NEDD1: variants seen among roughly 807,000 people sequenced by gnomAD.
NEDD1 encodes the protein protein NEDD1.
NEDD1 carries 33 observed loss-of-function variants against 74.0 expected under a neutral mutation model. The ratio of observed to expected loss-of-function variants is 0.45; its 90% confidence interval spans 0.34 to 0.60. NEDD1 has a LOEUF of 0.60. Among genes scored for constraint, NEDD1 ranks in the 20% least tolerant of loss-of-function variants. The pLI, the probability that NEDD1 is intolerant of heterozygous loss-of-function variation, is 0.01. For synonymous variants in NEDD1, 250 were observed against 264.4 expected (o/e 0.95, Z 0.53); for missense variants, 746 against 776.5 (o/e 0.96, Z 0.47).
chr12:96,932,457 A>ATATATATATATAT (rs1167914093), intron 6 of NEDD1, among the ~76,000 whole-genome samples: 1 of 12,768 alleles, frequency 7.8e-5, no homozygotes, highest in South Asian at 3.6e-3. Context: ...AAAAAAAAAA[A>ATATATATATATAT]AAAAAAATAT....
At chr12:96,913,783 A>C (rs1874164368) in intron 4 of NEDD1, among the ~76,000 whole-genome samples, 1 of 152,202 alleles carries the variant, frequency 6.6e-6, no homozygotes. Context: ...ATAAGATTTA[A>C]ATAAAAAGAT....
At chr12:96,934,907 A>G in intron 6 of NEDD1, 69 bp from the exon 7 acceptor site, 3 of 996,626 alleles carry the variant, frequency 3.0e-6, no homozygotes, top group South Asian at 1.4e-5. Context: ...GCCATAATTT[A>G]TATGGCTTAT....
chr12:96,907,843 C>T lies in NEDD1; in HGVS notation c.-22C>T. 7.3e-7 allele frequency: 1 copy of T among 1,365,620 alleles called. No homozygotes were observed. Among genetic ancestry groups the T allele is most frequent in the East Asian group, 2.7e-5 (1 of 36,850 alleles). 84.6% of individuals were successfully genotyped at this position (1,365,620 alleles called of 1,614,324 possible). On this transcript the variant is annotated 5_prime_UTR_variant, in exon 2 of 16. Coordinates refer to ENST00000266742, the MANE Select transcript of NEDD1 (RefSeq NM_152905.4). ...AAAGTCTCTCCCTTAATGCTCAGTT[C>T]TTAGAAGACCGAGGTAGGTGGGCAG...
intron 6 of NEDD1, among the ~76,000 whole-genome samples, chr12:96,923,610 A>G (rs190651137): frequency 6.6e-6 from 1 of 152,230 alleles, no homozygotes; most frequent in African/African-American, 2.4e-5. Flanking sequence ...GTATATTTTT[A>G]TATGCCTCTT....
chr12:96,949,837 A>G (rs1475199488), intron 14 of NEDD1, among the ~76,000 whole-genome samples: 1 of 152,098 alleles, frequency 6.6e-6, no homozygotes, highest in Non-Finnish European at 1.5e-5. Context: ...TTTTCCTGTA[A>G]AAAATAAGTA....
Position 96,945,782 on chromosome 12 carries a change from G to A in NEDD1, c.1744G>A (p.Ala582Thr). 1 of 1,611,328 alleles carries A rather than the reference G, an allele frequency of 6.2e-7. No individual in the cohort carries two copies. The highest frequency in any genetic ancestry group is 8.5e-7 in the Non-Finnish European group (1 of 1,177,552). ...ADSIGNNRQN[A>T]PLTSIQIRFI... ...CAGCATTGGAAATAACCGGCAAAAT[G>A]CACCATTGACTTCCATTCAAATTCG... Residue 582 changes from alanine (A) to threonine (T), a missense_variant, in exon 14 of 16, where the codon GCA becomes ACA. Around this residue, in one of 3 missense-constraint regions of NEDD1, gnomAD observed 706 missense variants for 706.7 expected, o/e 1.00. Coordinates refer to ENST00000266742, the MANE Select transcript of NEDD1 (RefSeq NM_152905.4).
chr12:96,944,533 T>C, intron 12 of NEDD1, 106 bp from the exon 13 acceptor site: 1 of 573,584 alleles, frequency 1.7e-6, no homozygotes, highest in Non-Finnish European at 3.0e-6. Flanking sequence ...CCTTCATTTC[T>C]ATTAACCTAC....
chr12:96,942,708 T>G, intron 11 of NEDD1, 84 bp downstream of exon 11: 2 of 734,106 alleles, frequency 2.7e-6, no homozygotes, highest in Middle Eastern at 2.4e-4. Flanking sequence ...TCCAACACTT[T>G]GAGGCTTAAA....
chr12:96,940,760 A>G (rs1877586595), intron 10 of NEDD1, among the ~76,000 whole-genome samples: 1 of 152,014 alleles, frequency 6.6e-6, no homozygotes, highest in African/African-American at 2.4e-5. Context: ...AATAGCTCTC[A>G]AGTTAGCATT....
At chr12:96,909,344 C>A (rs1281586901) in intron 2 of NEDD1, among the ~76,000 whole-genome samples, 1 of 152,060 alleles carries the variant, frequency 6.6e-6, no homozygotes, top group Non-Finnish European at 1.5e-5. Context: ...TGAGCTAAGA[C>A]CTGAATGATG....
intron 6 of NEDD1, among the ~76,000 whole-genome samples, chr12:96,925,195 A>T (rs1283058708): frequency 6.6e-6 from 1 of 152,224 alleles, no homozygotes; most frequent in Admixed American, 6.5e-5. Context: ...ATGGAAAAGC[A>T]TTTTAAAGGA....
chr12:96,912,876 T>C, intron 4 of NEDD1, 59 bp downstream of exon 4: 1 of 826,002 alleles, frequency 1.2e-6, no homozygotes. Flanking sequence ...TGACTGGCAA[T>C]TGCTTATTGT....
At position 96,945,743 on chromosome 12, in the gene NEDD1, G is replaced by GA; in HGVS notation, c.1711dup (p.Ile571AsnfsTer8). On this transcript the variant is annotated frameshift_variant, in exon 14 of 16. Coordinates refer to ENST00000266742, the MANE Select transcript of NEDD1 (RefSeq NM_152905.4). LOFTEE classifies it high-confidence loss of function. ...TGCTGGAGTTGCCAGTTCACTCTCA[G>GA]AAAAAATAGCCGACAGCATTGGAAA... The GA allele has an allele frequency of 6.2e-7, 1 of 1,608,188 alleles. No individual in the cohort carries two copies. Among genetic ancestry groups the GA allele is most frequent in the African/African-American group, 1.3e-5 (1 of 74,868 alleles).
intron 14 of NEDD1, among the ~76,000 whole-genome samples, chr12:96,948,052 A>G (rs1160448923): frequency 6.6e-6 from 1 of 152,148 alleles, no homozygotes; most frequent in East Asian, 1.9e-4. Context: ...ATCTACACCT[A>G]TCATTGGCAG....
chr12:96,928,681 C>CTTT (rs34575410), intron 6 of NEDD1, among the ~76,000 whole-genome samples: 286 of 87,630 alleles, frequency 3.3e-3, no homozygotes, highest in Non-Finnish European at 3.9e-3. Context: ...TAGTGTGTTT[C>CTTT]TTTTTTTTTT....
chr12:96,912,136 TAAC>T (rs1245251597), intron 3 of NEDD1, among the ~76,000 whole-genome samples: 1 of 152,134 alleles, frequency 6.6e-6, no homozygotes. Flanking sequence ...TTAAAACTCA[TAAC>T]ACAATTCCTA....
chr12:96,937,421 G>A (rs749249130), intron 9 of NEDD1, 28 bp downstream of exon 9: 1 of 1,350,048 alleles, frequency 7.4e-7, no homozygotes, highest in Non-Finnish European at 9.9e-7. Context: ...ATTGTTGGAG[G>A]GTTGGTTTGT....
At chr12:96,915,328 G>A (rs751619803) in intron 4 of NEDD1, among the ~76,000 whole-genome samples, 2 of 152,184 alleles carry the variant, frequency 1.3e-5, no homozygotes, top group East Asian at 1.9e-4. Flanking sequence ...TGGCTCTTTA[G>A]TACAAGATTA....
rs373458377 is a variant in NEDD1 at position 96,909,828 on chromosome 12, A to G, written c.69A>G (p.Thr23=). The G allele has an allele frequency of 1.2e-5, 20 of 1,613,594 alleles. No individual in the cohort carries two copies. The highest frequency in any genetic ancestry group is 1.7e-5 in the Admixed American group (1 of 60,004). The change falls in exon 3 of 16, where the codon ACA becomes ACG. Residue 23 remains threonine (T), a synonymous_variant. Transcript: ENST00000266742. ...DIKIWDASSM[T]LVDKFNPHTS... ...AAATATGGGATGCTTCATCTATGAC[A>G]TTGGTGGATAAATTCAACCCACACA...
Sources: gnomAD v4.1 joint callset for allele counts (sites outside exome capture counted in the v4.1 genomes callset) on GRCh38, gnomAD v4.1.1 for gene constraint, gnomAD v4.1.1 regional missense constraint, MANE v1.5 for transcripts, NCBI Gene and HGNC (gene_info 2026-07-23, HGNC 2026-07-21) for gene names.